The following SMOC2 variants were observed in gnomAD, a reference collection of about 807,000 sequenced individuals.
SMOC2 encodes the protein SPARC-related modular calcium-binding protein 2.
In SMOC2, 39 loss-of-function variants were observed where a neutral mutation model predicts 61.4. The ratio of observed to expected loss-of-function variants is 0.64; its 90% CI spans 0.49 to 0.83. The LOEUF (loss-of-function observed/expected upper bound fraction) is 0.83, where lower values mean the gene tolerates loss of function less well. Among genes scored for constraint, SMOC2 ranks in the 40% least tolerant of loss-of-function variants. The probability of loss-of-function intolerance (pLI) is 0.00; values close to 1 mark genes in which losing one functional copy is unlikely to be tolerated. For missense variants in SMOC2, 556 were observed against 592.9 expected, an observed-to-expected ratio of 0.94 and a Z score of 0.65; for synonymous variants, 247 against 239.9, an observed-to-expected ratio of 1.03 and a Z score of -0.27.
chr6:168,666,338 C>T, intron 12 of SMOC2, 83 bp from the exon 13 acceptor site: 1 of 1,557,732 alleles, frequency 6.4e-7, no homozygotes. Flanking sequence ...TCAGTTCATT[C>T]CCAGAAGCCA....
At chr6:168,661,591 G>T (rs1193846614) in intron 11 of SMOC2, among the ~76,000 whole-genome samples, 2 of 152,010 alleles carry the variant, frequency 1.3e-5, no homozygotes, top group Non-Finnish European at 2.9e-5. Flanking sequence ...GGCAGAGTGA[G>T]ACCCCATCCA....
At chr6:168,649,970 T>G in intron 9 of SMOC2, among the ~76,000 whole-genome samples, 1 of 151,928 alleles carries the variant, frequency 6.6e-6, no homozygotes, top group Non-Finnish European at 1.5e-5. Context: ...GTGGGACGAG[T>G]GTCTCAGGCA....
intron 2 of SMOC2, among the ~76,000 whole-genome samples, chr6:168,517,660 G>A (rs368378145): frequency 1.3e-4 from 20 of 152,376 alleles, no homozygotes; most frequent in African/African-American, 4.8e-4. Context: ...TTCTGTTGCA[G>A]TTTTCCTGAG....
At chr6:168,513,019 AT>A (rs1160595406) in intron 2 of SMOC2, among the ~76,000 whole-genome samples, 4 of 7,960 alleles carry the variant, frequency 5.0e-4, no homozygotes, top group African/African-American at 5.8e-4. Context: ...ATATCTTTCT[AT>A]AAAATGTCCA....
At chr6:168,562,745 G>T (rs1420363877) in intron 7 of SMOC2, among the ~76,000 whole-genome samples, 1 of 152,180 alleles carries the variant, frequency 6.6e-6, no homozygotes, top group East Asian at 1.9e-4. Flanking sequence ...GGCTCAGCAG[G>T]TCGGAAGCGC....
chr6:168,506,195 G>A (rs1157025996), intron 1 of SMOC2, among the ~76,000 whole-genome samples: 3 of 151,930 alleles, frequency 2.0e-5, no homozygotes, highest in African/African-American at 4.8e-5. Context: ...CCCCATACCT[G>A]GCTAATTTCC....
chr6:168,642,911 C>T (rs1786929579), intron 9 of SMOC2, among the ~76,000 whole-genome samples: 1 of 152,162 alleles, frequency 6.6e-6, no homozygotes, highest in Non-Finnish European at 1.5e-5. Flanking sequence ...AAACATCTCG[C>T]ACCCCTTTCT....
intron 10 of SMOC2, 146 bp downstream of exon 10, chr6:168,650,929 G>A (rs1259474895): frequency 1.5e-5 from 11 of 710,238 alleles, no homozygotes; most frequent in Admixed American, 1.2e-4. Flanking sequence ...GCAAACACAG[G>A]AAGTTGCTTA....
chr6:168,557,805 G>A (rs960345065), intron 7 of SMOC2, among the ~76,000 whole-genome samples: 10 of 152,374 alleles, frequency 6.6e-5, no homozygotes, highest in Middle Eastern at 3.4e-3. Flanking sequence ...GCAAGGCACC[G>A]TGTGTTCTAA....
chr6:168,554,335 C>G (rs931487617), intron 7 of SMOC2, among the ~76,000 whole-genome samples: 1 of 152,196 alleles, frequency 6.6e-6, no homozygotes, highest in South Asian at 2.1e-4. Context: ...TAATTAACAC[C>G]TTGGGGTGTC....
At chr6:168,594,009 G>T (rs1478676503) in intron 7 of SMOC2, among the ~76,000 whole-genome samples, 15 of 39,086 alleles carry the variant, frequency 3.8e-4, no homozygotes, top group Non-Finnish European at 6.2e-4. Flanking sequence ...GGCCTCACGG[G>T]CATCTTTCTA....
At chr6:168,446,016 C>T (rs1348518033) in intron 1 of SMOC2, among the ~76,000 whole-genome samples, 1 of 152,178 alleles carries the variant, frequency 6.6e-6, no homozygotes, top group Non-Finnish European at 1.5e-5. Flanking sequence ...TTAAGATTGT[C>T]AGCAGAACAT....
intron 9 of SMOC2, among the ~76,000 whole-genome samples, chr6:168,615,799 G>A (rs1005335152): frequency 6.6e-6 from 1 of 152,200 alleles, no homozygotes; most frequent in Non-Finnish European, 1.5e-5. Context: ...GGGGCCCCAA[G>A]CAATTGCTGG....
intron 1 of SMOC2, among the ~76,000 whole-genome samples, chr6:168,485,395 A>G (rs1433819814): frequency 1.3e-5 from 2 of 152,224 alleles, no homozygotes; most frequent in Non-Finnish European, 1.5e-5. Context: ...AACATTATTC[A>G]TAACAGCCAA....
rs539787335 is a variant in SMOC2, at chr6:168,585,652, G to A, written c.638-13166G>A. Among the ~76,000 whole-genome samples the A allele has an allele frequency of 2.6e-5, 4 of 152,342 alleles. No individual in the cohort carries two copies. The East Asian group carries it at 7.7e-4, about 29-fold the overall frequency. ...GTCCGAGGCCTCCCACTGCTCCTCA[G>A]CTCAGCTGGCCTGTGGGGTGGGGTT... On this transcript the variant is annotated intron_variant, in intron 7 of 12. Transcript: ENST00000356284.
chr6:168,660,791 AT>A (rs1239499920), intron 11 of SMOC2, among the ~76,000 whole-genome samples: 2 of 152,240 alleles, frequency 1.3e-5, no homozygotes, highest in Non-Finnish European at 2.9e-5. Flanking sequence ...GGGAAGGGGC[AT>A]GGATGGGCTG....
intron 7 of SMOC2, among the ~76,000 whole-genome samples, chr6:168,559,399 G>A (rs889833224): frequency 3.9e-5 from 6 of 151,928 alleles, no homozygotes; most frequent in African/African-American, 1.5e-4. Flanking sequence ...AAGTTGCAGT[G>A]AGCTGAGATT....
chr6:168,635,165 A>G (rs1280019680), intron 9 of SMOC2, among the ~76,000 whole-genome samples: 2 of 152,226 alleles, frequency 1.3e-5, no homozygotes, highest in Non-Finnish European at 2.9e-5. Context: ...GGGGTTGGTC[A>G]AAATCCATCA....
chr6:168,623,966 G>A (rs1397170903), intron 9 of SMOC2, among the ~76,000 whole-genome samples: 3 of 152,168 alleles, frequency 2.0e-5, no homozygotes, highest in Admixed American at 2.0e-4. Flanking sequence ...GAGCCTGGCG[G>A]CTGGGTGGGG....
Sources: gnomAD v4.1 joint callset for allele counts (sites outside exome capture counted in the v4.1 genomes callset) on GRCh38, gnomAD v4.1.1 for gene constraint, MANE v1.5 for transcripts, NCBI Gene and HGNC (gene_info 2026-07-23, HGNC 2026-07-21) for gene names.